FAM168B: variants seen among roughly 807,000 people sequenced by gnomAD.
The protein encoded by FAM168B is family with sequence similarity 168 member B, also known as myelin-associated neurite-outgrowth inhibitor.
Under a neutral mutation model 21.8 loss-of-function variants are expected in FAM168B, and 19 were observed. The ratio of observed to expected loss-of-function variants is 0.87; its 90% CI spans 0.61 to 1.28. The LOEUF (loss-of-function observed/expected upper bound fraction) is 1.28. FAM168B is among the 50% of genes most tolerant of loss of function. The probability of loss-of-function intolerance (pLI) is 0.00; values close to 1 mark genes in which losing one functional copy is unlikely to be tolerated. For synonymous variants in FAM168B, 126 were observed against 104.8 expected (o/e 1.20, Z -1.24); for missense variants, 233 against 263.1 (o/e 0.89, Z 0.79).
At chr2:131,072,073 G>A (rs1692901528) in intron 2 of FAM168B, 135 bp from the exon 3 acceptor site, 2 of 691,652 alleles carry the variant, frequency 2.9e-6, no homozygotes, top group African/African-American at 1.8e-5. Flanking sequence ...CACTATGTGT[G>A]GCCAACAGCA....
At chr2:131,065,810 A>T (rs1692526368) in intron 3 of FAM168B, among the ~76,000 whole-genome samples, 1 of 151,618 alleles carries the variant, frequency 6.6e-6, no homozygotes, top group African/African-American at 2.4e-5. Context: ...AAAAAAAGAA[A>T]AAAAAAAAAA....
In FAM168B at chr2:131,051,345, AAT is replaced by A; in HGVS notation, c.*1118_*1119del. 1 of 985,392 alleles carries A rather than the reference AAT, an allele frequency of 1.0e-6. No individual in the cohort carries two copies. The highest frequency in any genetic ancestry group is 1.7e-5 in the African/African-American group (1 of 57,330). The allele number at this position is 985,392 out of a possible 1,614,324, so 61.0% of individuals were successfully genotyped here. A position where few individuals can be genotyped will look rare whatever the true frequency, so the allele number is the denominator to read the frequency against. ...TCTACAAGAAATTGGAGGAATTTTA[AAT>A]AAAGTTTTGTTCCCTTTTAACTCAT... is the stretch of plus-strand genomic sequence containing the variant. On this transcript the variant is annotated 3_prime_UTR_variant, in exon 7 of 7. Coordinates refer to ENST00000389915, the MANE Select transcript of FAM168B (RefSeq NM_001009993.4).
At chr2:131,079,576 C>T (rs1693331828) in intron 2 of FAM168B, among the ~76,000 whole-genome samples, 1 of 152,198 alleles carries the variant, frequency 6.6e-6, no homozygotes, top group South Asian at 2.1e-4. Context: ...TGCAGACAGC[C>T]ACCAGAAACT....
intron 3 of FAM168B, among the ~76,000 whole-genome samples, chr2:131,057,824 T>C (rs1340358628): frequency 6.6e-6 from 1 of 152,086 alleles, no homozygotes; most frequent in Non-Finnish European, 1.5e-5. Context: ...TACGTGTGTG[T>C]ATTTTTTTTT....
intron 3 of FAM168B, among the ~76,000 whole-genome samples, chr2:131,060,157 C>CTGGGACTACAGGCG: frequency 6.6e-6 from 1 of 152,250 alleles, no homozygotes; most frequent in East Asian, 1.9e-4. Context: ...TCTCAAGTAG[C>CTGGGACTACAGGCG]TGGGACTACA....
Position 131,050,841 on chromosome 2 carries a change from C to A in FAM168B, c.*1624G>T. ...CCCCTCCCCACCAGAGCCCACAGCA[C>A]TCAAACCACCACTGCACTGGGAAGA... On this transcript the variant is annotated 3_prime_UTR_variant, in exon 7 of 7. Coordinates refer to ENST00000389915, the MANE Select transcript of FAM168B (RefSeq NM_001009993.4). The A allele has an allele frequency of 1.0e-6, 1 of 985,428 alleles. No homozygotes were observed. The highest frequency in any genetic ancestry group is 1.2e-6 in the Non-Finnish European group (1 of 830,006). 61.0% of individuals were successfully genotyped at this position (985,428 alleles called of 1,614,324 possible).
chr2:131,050,132 G>A lies in FAM168B; in HGVS notation c.*2333C>T. 1.0e-6 allele frequency: 1 copy of A among 985,458 alleles called. No individual in the cohort carries two copies. Among genetic ancestry groups the A allele is most frequent in the Non-Finnish European group, 1.2e-6 (1 of 829,936 alleles). The allele number at this position is 985,458 out of a possible 1,614,324, so 61.0% of individuals were successfully genotyped here. On this transcript the variant is annotated 3_prime_UTR_variant, in exon 7 of 7. Transcript: ENST00000389915. ...ATGAAGCTGATGTAAATGGCGTGTG[G>A]GGGGTGCAGCCCACTCTTTAAAACA...
intron 1 of FAM168B, among the ~76,000 whole-genome samples, chr2:131,087,628 T>TA: frequency 6.6e-6 from 1 of 152,260 alleles, no homozygotes; most frequent in South Asian, 2.1e-4. Context: ...GAATCAGTAA[T>TA]AGATGATTGT....
chr2:131,091,905 G>A (rs1244972447), intron 1 of FAM168B, among the ~76,000 whole-genome samples: 3 of 151,030 alleles, frequency 2.0e-5, no homozygotes, highest in East Asian at 1.9e-4. Flanking sequence ...CGAGGCGGGC[G>A]GATCACGAGG....
intron 3 of FAM168B, among the ~76,000 whole-genome samples, chr2:131,066,502 C>T (rs1692566787): frequency 6.6e-6 from 1 of 152,122 alleles, no homozygotes; most frequent in Admixed American, 6.6e-5. Flanking sequence ...AAAATAAGTG[C>T]TAATGTAATA....
intron 1 of FAM168B, among the ~76,000 whole-genome samples, chr2:131,088,564 A>G (rs1173731698): frequency 6.6e-6 from 1 of 152,220 alleles, no homozygotes; most frequent in Non-Finnish European, 1.5e-5. Context: ...ACGACTGAAT[A>G]CTGGGTATCA....
chr2:131,060,579 C>G (rs1484718610), intron 3 of FAM168B, among the ~76,000 whole-genome samples: 11 of 152,146 alleles, frequency 7.2e-5, no homozygotes, highest in Admixed American at 7.2e-4. Flanking sequence ...TAGGGGGTAA[C>G]TGGGCAAATG....
chr2:131,083,698 T>C (rs1427067030), intron 1 of FAM168B, among the ~76,000 whole-genome samples: 1 of 152,172 alleles, frequency 6.6e-6, no homozygotes, highest in Non-Finnish European at 1.5e-5. Flanking sequence ...GAAAACAAAG[T>C]AGAGTATTAT....
chr2:131,084,822 A>G (rs2105581112), intron 1 of FAM168B, among the ~76,000 whole-genome samples: 1 of 152,156 alleles, frequency 6.6e-6, no homozygotes, highest in South Asian at 2.1e-4. Flanking sequence ...ACCCAAGCTT[A>G]AGTGATCTTC....
rs551694890 is a variant in FAM168B, at chr2:131,089,458, C to T, written c.-12+3756G>A. Among the ~76,000 whole-genome samples, 15 of 151,666 alleles carry T rather than the reference C, an allele frequency of 9.9e-5. 1 individual carries two copies. The highest frequency in any genetic ancestry group is 3.4e-4 in the African/African-American group (14 of 41,408). ...CTTTAAAATGAAAGACCTGGCCAGG[C>T]GCAGTGGCTCACGCCTGTAATCCCA... is the stretch of plus-strand genomic sequence containing the variant. On this transcript the variant is annotated intron_variant, in intron 1 of 6. Transcript: ENST00000389915.
At chr2:131,090,367 T>C (rs1013248899) in intron 1 of FAM168B, among the ~76,000 whole-genome samples, 2 of 151,458 alleles carry the variant, frequency 1.3e-5, no homozygotes, top group Admixed American at 6.6e-5. Flanking sequence ...CTATATACTA[T>C]TGTTTCCTGG....
At chr2:131,090,042 C>T (rs1486287534) in intron 1 of FAM168B, among the ~76,000 whole-genome samples, 17 of 112,618 alleles carry the variant, frequency 1.5e-4, no homozygotes, top group Non-Finnish European at 3.1e-4. Context: ...AAAAAGAGGC[C>T]GGCGCAGTGG....
At chr2:131,080,710 C>T (rs2105562661) in intron 2 of FAM168B, among the ~76,000 whole-genome samples, 1 of 150,404 alleles carries the variant, frequency 6.6e-6, no homozygotes, top group African/African-American at 2.4e-5. Flanking sequence ...TGCTCTGTCG[C>T]CCAGGCTGGA....
intron 2 of FAM168B, among the ~76,000 whole-genome samples, chr2:131,076,623 A>G (rs1210785068): frequency 6.6e-6 from 1 of 150,720 alleles, no homozygotes; most frequent in Non-Finnish European, 1.5e-5. Flanking sequence ...ACTGCACTCC[A>G]GCCTGGGCAA....
Sources: allele counts gnomAD v4.1 joint callset (sites outside exome capture counted in the v4.1 genomes callset), GRCh38; gene constraint gnomAD v4.1.1; transcripts MANE v1.5; gene names NCBI Gene and HGNC (gene_info 2026-07-23, HGNC 2026-07-21).